PACRGL: variants seen among roughly 807,000 people sequenced by gnomAD.
The protein encoded by PACRGL is PACRG-like protein.
In PACRGL, 38 loss-of-function variants were observed where a neutral mutation model predicts 34.5. The ratio of observed to expected loss-of-function variants is 1.10; its 90% CI spans 0.85 to 1.44. The LOEUF (loss-of-function observed/expected upper bound fraction) is 1.44. Among genes scored for constraint, PACRGL ranks in the 40% most tolerant of loss-of-function variants. The pLI, the probability that PACRGL is intolerant of heterozygous loss-of-function variation, is 0.00. For missense variants in PACRGL, 305 were observed against 281.4 expected, an observed-to-expected ratio of 1.08 and a Z score of -0.60; for synonymous variants, 128 against 100.1, an observed-to-expected ratio of 1.28 and a Z score of -1.66.
intron 7 of PACRGL, among the ~76,000 whole-genome samples, chr4:20,719,461 G>T (rs951091178): frequency 1.3e-5 from 2 of 152,022 alleles, no homozygotes; most frequent in African/African-American, 4.8e-5. Context: ...TCTCTTGTGG[G>T]CTTTTAGTGC....
intron 8 of PACRGL, among the ~76,000 whole-genome samples, chr4:20,738,899 C>G (rs901256733): frequency 1.3e-4 from 20 of 152,188 alleles, no homozygotes; most frequent in African/African-American, 4.8e-4. Flanking sequence ...CAATATTGTG[C>G]TTTTCCAACA....
At chr4:20,765,981 TGTA>T in the PACRGL span, among the ~76,000 whole-genome samples, 631 of 152,324 alleles carry the variant, frequency 4.1e-3, 3 homozygotes, top group African/African-American at 0.015. Context: ...GTATTACTAT[TGTA>T]ATAATCAGCA....
At position 20,730,014 on chromosome 4, in the gene PACRGL, T is replaced by C; in HGVS notation, c.*2673T>C. 1.3e-6 allele frequency: 2 copies of C among 1,532,516 alleles called. No individual in the cohort carries two copies. The highest frequency in any genetic ancestry group is 2.8e-5 in the African/African-American group (2 of 72,256). The allele number at this position is 1,532,516 out of a possible 1,614,324, so 94.9% of individuals were successfully genotyped here. ...GCTGAGCAATCTATGCTAAAAGTGG[T>C]AGCTCCAACTTTAAGGGTGGTAGAA... On this transcript the variant is annotated 3_prime_UTR_variant, in exon 9 of 9. Transcript: ENST00000503585.
Position 20,727,711 on chromosome 4 carries a change from C to A in PACRGL, c.*370C>A. 1 of 171,572 alleles carries A rather than the reference C, an allele frequency of 5.8e-6. No individual in the cohort carries two copies. Among genetic ancestry groups the A allele is most frequent in the Non-Finnish European group, 1.2e-5 (1 of 80,278 alleles). The allele number at this position is 171,572 out of a possible 1,614,324, so 10.6% of individuals were successfully genotyped here. A position where few individuals can be genotyped will look rare whatever the true frequency, so the allele number is the denominator to read the frequency against. On this transcript the variant is annotated 3_prime_UTR_variant, in exon 9 of 9. Coordinates refer to ENST00000503585, the MANE Select transcript of PACRGL (RefSeq NM_001258345.3). The stretch of plus-strand genomic sequence containing the variant: ...TGCCCTTATTTTTATAGATAGTTTG[C>A]CATTTCTTGGGTTTAATGTTTAACA...
chr4:20,707,927 A>T, intron 4 of PACRGL, 57 bp downstream of exon 4: 1 of 1,263,216 alleles, frequency 7.9e-7, no homozygotes. Flanking sequence ...GAGTAAAATG[A>T]ATACAATATT....
chr4:20,739,894 C>T (rs916890056), intron 8 of PACRGL, among the ~76,000 whole-genome samples: 2 of 152,098 alleles, frequency 1.3e-5, no homozygotes, highest in Admixed American at 1.3e-4. Context: ...TAGAGAAGAC[C>T]TTAAATGACC....
At chr4:20,741,944 CTA>C (rs1751217956) in intron 8 of PACRGL, among the ~76,000 whole-genome samples, 1 of 152,214 alleles carries the variant, frequency 6.6e-6, no homozygotes. Flanking sequence ...ATGAACACCT[CTA>C]TGCGAATAAA....
chr4:20,748,488 C>G (rs2149332500), intron 8 of PACRGL, among the ~76,000 whole-genome samples: 1 of 149,598 alleles, frequency 6.7e-6, no homozygotes, highest in South Asian at 2.1e-4. Flanking sequence ...TATCAGAGCT[C>G]TCATCAAAAT....
At chr4:20,749,555 G>T in intron 8 of PACRGL, 1 of 686,116 alleles carries the variant, frequency 1.5e-6, no homozygotes, top group Non-Finnish European at 2.4e-6. Context: ...AGTGTCCTTG[G>T]GCTTTCTTTC....
intron 7 of PACRGL, among the ~76,000 whole-genome samples, chr4:20,720,496 C>G (rs1167631259): frequency 3.3e-5 from 5 of 152,094 alleles, no homozygotes; most frequent in African/African-American, 1.2e-4. Context: ...TTTAGTGTTT[C>G]CTTCAGGAGC....
chr4:20,761,122 AAG>A, the PACRGL span, among the ~76,000 whole-genome samples: 6 of 152,160 alleles, frequency 3.9e-5, no homozygotes, highest in African/African-American at 1.2e-4. Flanking sequence ...TTCCCAGAGA[AAG>A]AGTGTTCTTC....
intron 8 of PACRGL, among the ~76,000 whole-genome samples, chr4:20,751,174 T>C (rs1753553427): frequency 6.6e-6 from 1 of 152,218 alleles, no homozygotes; most frequent in East Asian, 1.9e-4. Flanking sequence ...CTTTTTAATA[T>C]GCTATGAAGA....
chr4:20,720,594 T>C (rs1378792980), intron 7 of PACRGL, among the ~76,000 whole-genome samples: 1 of 152,212 alleles, frequency 6.6e-6, no homozygotes, highest in African/African-American at 2.4e-5. Flanking sequence ...AAGCTTAGTT[T>C]GGCTGGATAT....
chr4:20,704,595 A>T, intron 2 of PACRGL, 62 bp downstream of exon 2: 2 of 1,613,128 alleles, frequency 1.2e-6, no homozygotes, highest in Non-Finnish European at 1.7e-6. Context: ...TCTGTGCTAC[A>T]GATGGATGCA....
chr4:20,730,262 T>C lies in PACRGL; in HGVS notation c.*2921T>C, dbSNP rs188418458. 156 of 1,140,088 alleles carry C rather than the reference T, an allele frequency of 1.4e-4. No homozygotes were observed. The African/African-American group carries it at 2.1e-3, about 15-fold the overall frequency. The allele number at this position is 1,140,088 out of a possible 1,614,324, so 70.6% of individuals were successfully genotyped here. A position where few individuals can be genotyped will look rare whatever the true frequency, so the allele number is the denominator to read the frequency against. ...TGCCAAAAGCTCAAATATTAAGTGT[T>C]TGCAAATGTAAATGCCATTCTATTC... On this transcript the variant is annotated 3_prime_UTR_variant, in exon 9 of 9. Coordinates refer to ENST00000503585, the MANE Select transcript of PACRGL (RefSeq NM_001258345.3).
chr4:20,732,794 TAAAA>T, downstream of PACRGL: 1 of 1,528,592 alleles, frequency 6.5e-7, no homozygotes, highest in Non-Finnish European at 9.1e-7. Context: ...TCCTGAAAAA[TAAAA>T]GGCACTCACG....
In PACRGL at chr4:20,730,072, A is replaced by G. The variant is rs989350897; in HGVS notation, c.*2731A>G. The G allele has an allele frequency of 3.7e-6, 6 of 1,606,910 alleles. No homozygotes were observed. Among genetic ancestry groups the G allele is most frequent in the Non-Finnish European group, 5.1e-6 (6 of 1,177,582 alleles). ...CATTTGTCTGTTGGATTCAGGATCT[A>G]TTTGACAAGTTAAATCACATTTTCA... On this transcript the variant is annotated 3_prime_UTR_variant, in exon 9 of 9. Transcript: ENST00000503585.
At chr4:20,751,492 G>T (rs991198781) in intron 8 of PACRGL, among the ~76,000 whole-genome samples, 6 of 152,000 alleles carry the variant, frequency 3.9e-5, no homozygotes, top group African/African-American at 1.4e-4. Context: ...GTGCCCTCTG[G>T]AGATGTGAAT....
intron 5 of PACRGL, among the ~76,000 whole-genome samples, chr4:20,711,223 A>G (rs1737032502): frequency 6.6e-6 from 1 of 152,006 alleles, no homozygotes; most frequent in African/African-American, 2.4e-5. Flanking sequence ...AGCTAATCAT[A>G]TTGTACAGGG....
Sources: gnomAD v4.1 joint callset for allele counts (sites outside exome capture counted in the v4.1 genomes callset) on GRCh38, gnomAD v4.1.1 for gene constraint, MANE v1.5 for transcripts, NCBI Gene and HGNC (gene_info 2026-07-23, HGNC 2026-07-21) for gene names.